DOCK4: variants seen among roughly 807,000 people sequenced by gnomAD.
The protein encoded by DOCK4 is dedicator of cytokinesis protein 4.
In DOCK4, 97 loss-of-function variants were observed where a neutral mutation model predicts 268.1. The ratio of observed to expected loss-of-function variants is 0.36; its 90% CI spans 0.31 to 0.43. The LOEUF is 0.43. Among genes scored for constraint, DOCK4 ranks in the 20% least tolerant of loss-of-function variants. The pLI is 1.00. For missense variants in DOCK4, 2,145 were observed against 2,455.7 expected, an observed-to-expected ratio of 0.87 and a Z score of 2.67; for synonymous variants, 954 against 887.2, an observed-to-expected ratio of 1.08 and a Z score of -1.34.
chr7:112,040,165 T>C (rs572853894), intron 1 of DOCK4, among the ~76,000 whole-genome samples: 20 of 152,260 alleles, frequency 1.3e-4, no homozygotes, highest in Non-Finnish European at 1.8e-4. Context: ...TGAATGGAAA[T>C]TCTTCAACAA....
chr7:111,935,727 G>A (rs1311620398), intron 11 of DOCK4, 99 bp from the exon 12 acceptor site: 3 of 1,026,344 alleles, frequency 2.9e-6, no homozygotes, highest in African/African-American at 1.6e-5. Context: ...CCACTATAAT[G>A]TACCTCCTTG....
At chr7:111,760,593 A>G (rs1243251261) in intron 39 of DOCK4, among the ~76,000 whole-genome samples, 1 of 152,230 alleles carries the variant, frequency 6.6e-6, no homozygotes, top group African/African-American at 2.4e-5. Context: ...GTGGATTCTC[A>G]GAGCACCAAA....
At chr7:112,065,998 C>T (rs1187463200) in intron 1 of DOCK4, among the ~76,000 whole-genome samples, 1 of 152,202 alleles carries the variant, frequency 6.6e-6, no homozygotes, top group African/African-American at 2.4e-5. Context: ...ACACAACCAA[C>T]ATACACTGAC....
At chr7:112,121,868 C>G (rs944342903) in intron 1 of DOCK4, among the ~76,000 whole-genome samples, 4 of 152,150 alleles carry the variant, frequency 2.6e-5, no homozygotes, top group African/African-American at 7.2e-5. Context: ...TATATCTGAT[C>G]TCTTATTAAA....
intron 1 of DOCK4, among the ~76,000 whole-genome samples, chr7:112,202,035 C>G (rs1235152529): frequency 6.6e-6 from 1 of 152,190 alleles, no homozygotes; most frequent in Non-Finnish European, 1.5e-5. Context: ...TTTTTCAAGA[C>G]TATATAATAT....
At chr7:111,747,743 G>T (rs1279844910) in intron 42 of DOCK4, among the ~76,000 whole-genome samples, 1 of 113,592 alleles carries the variant, frequency 8.8e-6, no homozygotes, top group African/African-American at 3.3e-5. Flanking sequence ...AGCATCTCAT[G>T]TCTTTTAAAA....
chr7:112,066,570 G>A (rs1180852459), intron 1 of DOCK4, among the ~76,000 whole-genome samples: 17 of 138,706 alleles, frequency 1.2e-4, no homozygotes, highest in Middle Eastern at 3.7e-3. Context: ...ATATATACAC[G>A]TGTGTATATG....
intron 30 of DOCK4, 67 bp from the exon 31 acceptor site, chr7:111,790,672 A>G: frequency 6.9e-7 from 1 of 1,447,150 alleles, no homozygotes; most frequent in South Asian, 1.5e-5. Flanking sequence ...AATTAATATC[A>G]TAAAATTTGT....
At chr7:111,943,836 G>T (rs184655490) in intron 10 of DOCK4, among the ~76,000 whole-genome samples, 2 of 152,314 alleles carry the variant, frequency 1.3e-5, no homozygotes, top group Admixed American at 6.5e-5. Context: ...GGGAATAAAA[G>T]TATGTTTTTT....
At position 111,797,376 on chromosome 7, in the gene DOCK4, C is replaced by T. The variant is rs762625967; in HGVS notation, c.3167-6771G>A. Among the ~76,000 whole-genome samples the T allele has an allele frequency of 4.9e-4, 74 of 152,166 alleles. 1 individual carries two copies. Among genetic ancestry groups the T allele is most frequent in the Non-Finnish European group, 1.9e-4 (13 of 68,024 alleles). On this transcript the variant is annotated intron_variant, in intron 30 of 52. Transcript: ENST00000428084. ...TTAGGCAAATAAAGGAAAACATAGGCTGATTTTCCGAAGACCCTAATAGGT... is the reference window on the plus strand; with the variant it reads ...TTAGGCAAATAAAGGAAAACATAGGTTGATTTTCCGAAGACCCTAATAGGT...
intron 30 of DOCK4, among the ~76,000 whole-genome samples, chr7:111,797,096 T>G (rs10251432): frequency 3.5e-3 from 533 of 152,294 alleles, no homozygotes; most frequent in African/African-American, 0.012. Context: ...CCCTCTGAAG[T>G]GCACTCTAAA....
chr7:111,789,129 T>G (rs913660820), intron 31 of DOCK4: 6 of 224,396 alleles, frequency 2.7e-5, no homozygotes, highest in Non-Finnish European at 5.4e-5. Context: ...AACTAACATA[T>G]CCACATACAT....
At chr7:112,190,806 G>T (rs1819886920) in intron 1 of DOCK4, among the ~76,000 whole-genome samples, 1 of 152,184 alleles carries the variant, frequency 6.6e-6, no homozygotes, top group Non-Finnish European at 1.5e-5. Flanking sequence ...AAAGGAGAAA[G>T]ATTAGAAGAC....
At position 112,118,567 on chromosome 7, in the gene DOCK4, C is replaced by T. The variant is rs1436435396; in HGVS notation, c.37+87535G>A. On this transcript the variant is annotated intron_variant, in intron 1 of 52. Transcript: ENST00000428084. Reference sequence around the variant, plus strand: ...TAGAAACCATTGCCAAAAAAGCCTTCCTTCTGTACCTCACCGTTGAGTGGC... The same window carrying T: ...TAGAAACCATTGCCAAAAAAGCCTTTCTTCTGTACCTCACCGTTGAGTGGC... Among the ~76,000 whole-genome samples the T allele has an allele frequency of 3.3e-5, 5 of 152,258 alleles. No homozygotes were observed. In the East Asian group the frequency reaches 7.7e-4, roughly 23 times the overall value.
At chr7:112,025,555 C>T (rs1802711749) in intron 1 of DOCK4, among the ~76,000 whole-genome samples, 1 of 152,094 alleles carries the variant, frequency 6.6e-6, no homozygotes, top group African/African-American at 2.4e-5. Context: ...GCCTCTCAGC[C>T]CCTCTGATTC....
chr7:112,088,373 T>TA (rs576589112), intron 1 of DOCK4, among the ~76,000 whole-genome samples: 231 of 152,218 alleles, frequency 1.5e-3, no homozygotes, highest in African/African-American at 5.1e-3. Flanking sequence ...TGTTTATAGA[T>TA]AAAAAAATGT....
intron 30 of DOCK4, among the ~76,000 whole-genome samples, chr7:111,804,607 A>AT (rs961722573): frequency 1.6e-4 from 24 of 149,456 alleles, no homozygotes; most frequent in East Asian, 3.9e-4. Context: ...ATTTATTTTT[A>AT]TTTTTTTTTT....
At position 112,195,932 on chromosome 7, in the gene DOCK4, G is replaced by A. The variant is rs982388432; in HGVS notation, c.37+10170C>T. Among the ~76,000 whole-genome samples the A allele has an allele frequency of 4.6e-5, 7 of 152,254 alleles. 1 individual carries two copies. The highest frequency in any genetic ancestry group is 1.7e-4 in the African/African-American group (7 of 41,542). ...CACCCTCCCACGAGGGGGCACAAAT[G>A]GGGGAGGAGAACAAATACACATGTG... is the stretch of plus-strand genomic sequence containing the variant. On this transcript the variant is annotated intron_variant, in intron 1 of 52. Coordinates refer to ENST00000428084, the MANE Select transcript of DOCK4 (RefSeq NM_001363540.2).
At chr7:112,115,380 C>G (rs1463160997) in intron 1 of DOCK4, among the ~76,000 whole-genome samples, 1 of 152,200 alleles carries the variant, frequency 6.6e-6, no homozygotes, top group Admixed American at 6.5e-5. Flanking sequence ...GAAAGAACAC[C>G]ATTTAGATTC....
Sources: allele counts gnomAD v4.1 joint callset (sites outside exome capture counted in the v4.1 genomes callset), GRCh38; gene constraint gnomAD v4.1.1; transcripts MANE v1.5; gene names NCBI Gene and HGNC (gene_info 2026-07-23, HGNC 2026-07-21).